CCDC148: variants seen among roughly 807,000 people sequenced by gnomAD.
CCDC148 encodes coiled-coil domain containing 148, also known as coiled-coil domain-containing protein 148.
Under a neutral mutation model 85.7 loss-of-function variants are expected in CCDC148, and 89 were observed. The observed-to-expected ratio is 1.04, with a 90% CI of 0.87 to 1.24. The LOEUF (loss-of-function observed/expected upper bound fraction) is 1.24, where lower values mean the gene tolerates loss of function less well. CCDC148 is among the 50% of genes most tolerant of loss of function. CCDC148 has a pLI of 0.00. For synonymous variants in CCDC148, 230 were observed against 213.9 expected (o/e 1.08, Z -0.66); for missense variants, 692 against 671.7 (o/e 1.03, Z -0.33).
At chr2:158,251,275 A>T (rs1688783178) in intron 9 of CCDC148, among the ~76,000 whole-genome samples, 1 of 151,804 alleles carries the variant, frequency 6.6e-6, no homozygotes, top group South Asian at 2.1e-4. Flanking sequence ...AAAATTCTCA[A>T]ATAATCCTAA....
chr2:158,340,784 G>C, intron 3 of CCDC148, 104 bp from the exon 4 acceptor site: 1 of 688,768 alleles, frequency 1.5e-6, no homozygotes, highest in South Asian at 2.1e-5. Context: ...TTTGTCATCT[G>C]TTCATTTAAA....
chr2:158,247,017 T>C (rs796526684), intron 10 of CCDC148, among the ~76,000 whole-genome samples: 1 of 152,172 alleles, frequency 6.6e-6, no homozygotes, highest in Non-Finnish European at 1.5e-5. Flanking sequence ...TTAATAACCT[T>C]GATTACTTGA....
rs1452299605 is a variant in CCDC148 at position 158,178,932 on chromosome 2, CT to C, written c.1434del (p.Glu479LysfsTer12). ...RLMEKKEVAL[Q>X]EAHEDKERAR... ...GCTCTCTCTTTGTCTTCATGAGCTT[CT>C]TGAAGGGCCACTTCCTTTTTCTCCA... is the stretch of plus-strand genomic sequence containing the variant. On this transcript the variant is annotated frameshift_variant, in exon 12 of 14. Coordinates refer to ENST00000283233, the MANE Select transcript of CCDC148 (RefSeq NM_138803.4). LOFTEE classifies it high-confidence loss of function. 1 of 1,613,654 alleles carries C rather than the reference CT, an allele frequency of 6.2e-7. No individual in the cohort carries two copies. Among genetic ancestry groups the C allele is most frequent in the East Asian group, 2.2e-5 (1 of 44,802 alleles).
At chr2:158,446,754 C>T (rs1263241003) in intron 1 of CCDC148, among the ~76,000 whole-genome samples, 1 of 152,142 alleles carries the variant, frequency 6.6e-6, no homozygotes, top group East Asian at 1.9e-4. Context: ...AACATTCAGT[C>T]ATAACCACTT....
At chr2:158,285,826 G>A (rs112761620) in intron 9 of CCDC148, among the ~76,000 whole-genome samples, 2,914 of 151,936 alleles carry the variant, frequency 0.019, 37 homozygotes, top group Middle Eastern at 0.085. Context: ...GTGAGCCACC[G>A]CGCCCAGCCA....
rs938743679 is a variant in CCDC148 at position 158,293,824 on chromosome 2, G to T, written c.1110+15609C>A. On this transcript the variant is annotated intron_variant, in intron 9 of 13. Transcript: ENST00000283233. The stretch of plus-strand genomic sequence containing the variant: ...TTCATAGTAATAATCTCTGAATTTT[G>T]GCTGGGCATCAACTACCTAAAATAG... Among the ~76,000 whole-genome samples the T allele has an allele frequency of 2.0e-5, 3 of 152,054 alleles. 1 individual carries two copies. The highest frequency in any genetic ancestry group is 2.9e-5 in the Non-Finnish European group (2 of 68,010).
At chr2:158,447,499 A>G (rs1035793192) in intron 1 of CCDC148, 2 of 152,210 alleles carry the variant, frequency 1.3e-5, no homozygotes, top group Admixed American at 6.5e-5. Flanking sequence ...AATGACTCCA[A>G]AAAGTGTGTA....
intron 11 of CCDC148, among the ~76,000 whole-genome samples, chr2:158,213,334 C>A (rs1210685891): frequency 6.6e-6 from 1 of 152,128 alleles, no homozygotes. Context: ...ATTGTTAAAA[C>A]ATTTTTAAAA....
At chr2:158,279,650 T>A (rs1477103585) in intron 9 of CCDC148, among the ~76,000 whole-genome samples, 1 of 152,146 alleles carries the variant, frequency 6.6e-6, no homozygotes, top group African/African-American at 2.4e-5. Context: ...CTACATCTGA[T>A]TGGTGTACCT....
intron 1 of CCDC148, among the ~76,000 whole-genome samples, chr2:158,427,678 T>G (rs893772807): frequency 2.6e-5 from 4 of 152,052 alleles, no homozygotes; most frequent in Non-Finnish European, 2.9e-5. Flanking sequence ...GAGACCAGCC[T>G]GGGCAACATG....
rs368112686 is a variant in CCDC148 at position 158,455,940 on chromosome 2, G to A, written c.25+475C>T. On this transcript the variant is annotated intron_variant, in intron 1 of 13. Transcript: ENST00000283233. Reference sequence around the variant, plus strand: ...AAATTTAAAGAGATACTGGAAAATAGAAAACAAAATCCATCAACTGTAATC... The same window carrying A: ...AAATTTAAAGAGATACTGGAAAATAAAAAACAAAATCCATCAACTGTAATC... 3.9e-5 allele frequency among the ~76,000 whole-genome samples: 6 copies of A among 152,290 alleles called. No individual in the cohort carries two copies. In the East Asian group the frequency reaches 1.2e-3, roughly 29 times the overall value.
rs1682527722 is a variant in CCDC148 at position 158,338,891 on chromosome 2, A to C, written c.599T>G (p.Leu200Trp). 2.5e-6 allele frequency: 4 copies of C among 1,604,518 alleles called. No homozygotes were observed. In the South Asian group the frequency reaches 3.4e-5, roughly 14 times the overall value. The change falls in exon 7 of 14, where the codon TTG becomes TGG. Residue 200 changes from leucine (L) to tryptophan (W), a missense_variant. Coordinates refer to ENST00000283233, the MANE Select transcript of CCDC148 (RefSeq NM_138803.4). ...ACTAAGCGGGTTAGTCTTTTCTTCC[A>C]AAGAATGATCTAGAATCTGAAAAAA... The part of the protein sequence containing the change: ...DWSIKILDHS[L>W]EEKTNPLSEL...
At chr2:158,437,401 G>T (rs1687710884) in intron 1 of CCDC148, among the ~76,000 whole-genome samples, 1 of 152,174 alleles carries the variant, frequency 6.6e-6, no homozygotes, top group Admixed American at 6.5e-5. Context: ...AGTAGATGCA[G>T]AAAAGGCCTT....
At chr2:158,448,991 C>A (rs1347299996) in intron 1 of CCDC148, among the ~76,000 whole-genome samples, 1 of 152,060 alleles carries the variant, frequency 6.6e-6, no homozygotes, top group Admixed American at 6.6e-5. Context: ...CCACATCTGG[C>A]TAATTTTTGT....
chr2:158,364,807 C>T (rs995275051), intron 1 of CCDC148, among the ~76,000 whole-genome samples: 4 of 152,110 alleles, frequency 2.6e-5, no homozygotes, highest in Non-Finnish European at 5.9e-5. Flanking sequence ...CCAAAATTGA[C>T]AAATGGGATC....
chr2:158,393,201 T>C (rs1419014010), intron 1 of CCDC148: 2 of 152,138 alleles, frequency 1.3e-5, no homozygotes, highest in Admixed American at 1.3e-4. Context: ...AGGATGGATG[T>C]ATACATGAAA....
intron 9 of CCDC148, among the ~76,000 whole-genome samples, chr2:158,270,603 T>A (rs1390868770): frequency 6.6e-6 from 1 of 152,206 alleles, no homozygotes; most frequent in Non-Finnish European, 1.5e-5. Flanking sequence ...TTTTGACAAC[T>A]GACACCACTT....
At chr2:158,288,658 A>G in intron 9 of CCDC148, 1 of 234,236 alleles carries the variant, frequency 4.3e-6, no homozygotes, top group Admixed American at 5.2e-5. Flanking sequence ...GGAGGTTCCA[A>G]ACTTTCCCAC....
intron 11 of CCDC148, among the ~76,000 whole-genome samples, chr2:158,189,531 A>C (rs1685318312): frequency 6.6e-6 from 1 of 151,494 alleles, no homozygotes; most frequent in Non-Finnish European, 1.5e-5. Context: ...TACTAAGATA[A>C]ACAAAGTAAA....
Sources: allele counts gnomAD v4.1 joint callset (sites outside exome capture counted in the v4.1 genomes callset), GRCh38; gene constraint gnomAD v4.1.1; transcripts MANE v1.5; gene names NCBI Gene and HGNC (gene_info 2026-07-23, HGNC 2026-07-21).